The following ADD3 variants were observed in gnomAD, a reference collection of about 807,000 sequenced individuals.
ADD3 encodes gamma-adducin.
A neutral mutation model predicts 80.2 loss-of-function variants in ADD3; 25 were observed. The ratio of observed to expected loss-of-function variants is 0.31; its 90% CI spans 0.23 to 0.44. ADD3 has a LOEUF of 0.44. Ranked by LOEUF, ADD3 falls within the 20% of genes least tolerant of loss-of-function variation. The pLI is 1.00. For synonymous variants in ADD3, 284 were observed against 289.6 expected, an observed-to-expected ratio of 0.98 and a Z score of 0.20; for missense variants, 829 against 847.5, an observed-to-expected ratio of 0.98 and a Z score of 0.27.
intron 1 of ADD3, among the ~76,000 whole-genome samples, chr10:110,057,835 C>T (rs924975368): frequency 6.6e-6 from 1 of 152,096 alleles, no homozygotes; most frequent in Non-Finnish European, 1.5e-5. Context: ...AGCAGTGATT[C>T]TTTGAAATAA....
chr10:110,081,127 T>G (rs539705729), intron 1 of ADD3, among the ~76,000 whole-genome samples: 14 of 152,346 alleles, frequency 9.2e-5, no homozygotes, highest in Admixed American at 4.6e-4. Context: ...GTTTGTGTGG[T>G]GGTTACCTTA....
intron 2 of ADD3, among the ~76,000 whole-genome samples, chr10:110,101,235 G>T (rs541856772): frequency 1.7e-4 from 26 of 152,260 alleles, no homozygotes; most frequent in African/African-American, 6.3e-4. Context: ...GCTCAGAGTG[G>T]CATGAGAAGA....
At chr10:110,119,681 T>A in intron 8 of ADD3, 117 bp downstream of exon 8, 2 of 806,316 alleles carry the variant, frequency 2.5e-6, no homozygotes, top group South Asian at 1.8e-5. Flanking sequence ...TAAGAGAAGT[T>A]CTGCTCTACT....
At chr10:110,059,722 T>C (rs1171477340) in intron 1 of ADD3, among the ~76,000 whole-genome samples, 1 of 151,650 alleles carries the variant, frequency 6.6e-6, no homozygotes, top group Non-Finnish European at 1.5e-5. Flanking sequence ...TGAGCCAAGA[T>C]GGTGCCACTG....
intron 1 of ADD3, among the ~76,000 whole-genome samples, chr10:110,009,456 T>C (rs914549429): frequency 6.6e-6 from 1 of 152,238 alleles, no homozygotes; most frequent in Admixed American, 6.5e-5. Context: ...ACAGTGCAAT[T>C]TGTCGTTTTC....
At chr10:110,075,396 G>C (rs1845275387) in intron 1 of ADD3, among the ~76,000 whole-genome samples, 1 of 151,812 alleles carries the variant, frequency 6.6e-6, no homozygotes, top group Non-Finnish European at 1.5e-5. Context: ...AACTAGATCT[G>C]GATTTCATTT....
intron 1 of ADD3, among the ~76,000 whole-genome samples, chr10:110,082,610 T>G (rs1846201240): frequency 6.6e-6 from 1 of 152,210 alleles, no homozygotes; most frequent in Non-Finnish European, 1.5e-5. Flanking sequence ...CTTTATAACC[T>G]TTTTCTAACA....
At chr10:110,128,768 TAAC>T (rs770472803) in intron 12 of ADD3, among the ~76,000 whole-genome samples, 21 of 152,358 alleles carry the variant, frequency 1.4e-4, no homozygotes, top group Non-Finnish European at 2.5e-4. Flanking sequence ...TCCTTTTTAA[TAAC>T]ATCCTGATCT....
At chr10:110,127,359 C>CT (rs1174308610) in intron 12 of ADD3, among the ~76,000 whole-genome samples, 1 of 152,228 alleles carries the variant, frequency 6.6e-6, no homozygotes, top group African/African-American at 2.4e-5. Flanking sequence ...TGGCTCACGC[C>CT]TGTAATCCCA....
chr10:110,066,989 C>T lies in ADD3; in HGVS notation c.-29-33636C>T, dbSNP rs72828280. Reference sequence around the variant, plus strand: ...AATATTAAAGCTACACTTGGTTGCTCTGTTCTGACTGTGTTAAGAACACGG... The same window carrying T: ...AATATTAAAGCTACACTTGGTTGCTTTGTTCTGACTGTGTTAAGAACACGG... On this transcript the variant is annotated intron_variant, in intron 1 of 14. Transcript: ENST00000356080. Among the ~76,000 whole-genome samples the T allele has an allele frequency of 3.1e-3, 476 of 152,308 alleles. 2 individuals carry two copies. The highest frequency in any genetic ancestry group is 4.0e-3 in the Non-Finnish European group (272 of 68,034).
chr10:110,117,516 T>C, intron 5 of ADD3, 94 bp downstream of exon 5: 1 of 736,400 alleles, frequency 1.4e-6, no homozygotes, highest in South Asian at 1.6e-5. Context: ...TAAGAAGGTA[T>C]GGATGGAAAA....
intron 1 of ADD3, among the ~76,000 whole-genome samples, chr10:110,072,730 G>T (rs977481872): frequency 4.6e-5 from 7 of 152,256 alleles, no homozygotes; most frequent in Non-Finnish European, 7.4e-5. Flanking sequence ...TTTTTATCAA[G>T]GAGTTATCTA....
intron 8 of ADD3, among the ~76,000 whole-genome samples, chr10:110,120,810 A>C (rs537403466): frequency 5.3e-4 from 80 of 152,290 alleles, no homozygotes; most frequent in African/African-American, 1.7e-3. Context: ...AGATATAGAT[A>C]AATGGAACAG....
intron 1 of ADD3, chr10:110,016,300 A>T (rs1304300442): frequency 6.6e-6 from 1 of 152,236 alleles, no homozygotes; most frequent in Admixed American, 6.5e-5. Flanking sequence ...AGGATTTGAC[A>T]GGATCTTAGT....
chr10:110,093,330 T>C (rs1847782126), intron 1 of ADD3, among the ~76,000 whole-genome samples: 1 of 152,230 alleles, frequency 6.6e-6, no homozygotes, highest in Non-Finnish European at 1.5e-5. Flanking sequence ...TACCACTTAT[T>C]TCAGTTGGTG....
At chr10:110,005,071 AT>A (rs938715002), upstream of ADD3, among the ~76,000 whole-genome samples, 2 of 151,032 alleles carry the variant, frequency 1.3e-5, no homozygotes, top group African/African-American at 4.9e-5. Flanking sequence ...ATTTTATTTT[AT>A]TTTTTTTTGA....
intron 1 of ADD3, among the ~76,000 whole-genome samples, chr10:110,015,113 A>T (rs1335362748): frequency 6.6e-6 from 1 of 152,128 alleles, no homozygotes; most frequent in African/African-American, 2.4e-5. Context: ...TTTAAGGTGA[A>T]TTCTATCTGA....
At chr10:110,004,850 T>TAA (rs142547057), upstream of ADD3, among the ~76,000 whole-genome samples, 3 of 151,994 alleles carry the variant, frequency 2.0e-5, no homozygotes, top group African/African-American at 7.3e-5. Flanking sequence ...AATATAAAGA[T>TAA]AAAATGTAAG....
chr10:110,079,501 T>A (rs865958964), intron 1 of ADD3, among the ~76,000 whole-genome samples: 26 of 137,792 alleles, frequency 1.9e-4, no homozygotes, highest in South Asian at 2.4e-4. Context: ...TGTGTGTGTG[T>A]GATCTACCTG....
Sources: gnomAD v4.1 joint callset for allele counts (sites outside exome capture counted in the v4.1 genomes callset) on GRCh38, gnomAD v4.1.1 for gene constraint, MANE v1.5 for transcripts, NCBI Gene and HGNC (gene_info 2026-07-23, HGNC 2026-07-21) for gene names.